PCDHGA3: variants seen among roughly 807,000 people sequenced by gnomAD.
The protein encoded by PCDHGA3 is protocadherin gamma-A3.
A neutral mutation model predicts 58.5 loss-of-function variants in PCDHGA3; 40 were observed. That is an observed-to-expected ratio of 0.68 (90% confidence interval 0.53 to 0.89). The LOEUF (loss-of-function observed/expected upper bound fraction) is 0.89, where lower values mean the gene tolerates loss of function less well. PCDHGA3 is among the 40% of genes least tolerant of loss of function. The pLI is 0.00. For synonymous variants in PCDHGA3, 530 were observed against 525.7 expected, an observed-to-expected ratio of 1.01 and a Z score of -0.11; for missense variants, 1,223 against 1,195.9, an observed-to-expected ratio of 1.02 and a Z score of -0.33.
At chr5:141,412,939 C>G in intron 1 of PCDHGA3, 1 of 461,988 alleles carries the variant, frequency 2.2e-6, no homozygotes, top group Non-Finnish European at 3.8e-6. Context: ...TCTTAGGACT[C>G]TGAGCGCCGC....
chr5:141,487,684 C>G lies in PCDHGA3; in HGVS notation c.2425-7123C>G. On this transcript the variant is annotated intron_variant, in intron 1 of 3. Coordinates refer to ENST00000253812, the MANE Select transcript of PCDHGA3 (RefSeq NM_018916.4). The surrounding 1 kb of genome is among the most constrained non-coding windows in gnomAD (Gnocchi z 5.0). ...ATCCAGGCATATGGCTAGGCCATGT[C>G]CTAGAGAGTACTGGCCTCTCAGTAA... is the stretch of plus-strand genomic sequence containing the variant. The G allele has an allele frequency of 6.2e-7, 1 of 1,607,562 alleles. No individual in the cohort carries two copies. Among genetic ancestry groups the G allele is most frequent in the East Asian group, 2.2e-5 (1 of 44,768 alleles).
chr5:141,349,128 T>C (rs1396507844), intron 1 of PCDHGA3, among the ~76,000 whole-genome samples: 2 of 152,184 alleles, frequency 1.3e-5, no homozygotes, highest in Non-Finnish European at 2.9e-5. Flanking sequence ...TGGACTTCAG[T>C]GGCATGATCT....
At chr5:141,464,227 T>C (rs539811399) in intron 1 of PCDHGA3, among the ~76,000 whole-genome samples, 58 of 147,282 alleles carry the variant, frequency 3.9e-4, no homozygotes, top group Admixed American at 2.5e-3. Flanking sequence ...ATTGCGCCAC[T>C]GCACTCCAGC....
chr5:141,439,790 C>G (rs2098131627), intron 1 of PCDHGA3: 2 of 152,248 alleles, frequency 1.3e-5, no homozygotes, highest in Non-Finnish European at 2.9e-5. Flanking sequence ...TTCTATAATC[C>G]AAGAAGAGTT....
chr5:141,465,440 A>T (rs1478987071), intron 1 of PCDHGA3, among the ~76,000 whole-genome samples: 1 of 152,194 alleles, frequency 6.6e-6, no homozygotes, highest in Non-Finnish European at 1.5e-5. Flanking sequence ...CTTAATGATT[A>T]CCCAAGAAAA....
rs2099450974 is a variant in PCDHGA3 at position 141,478,361 on chromosome 5, G to A, written c.2425-16446G>A. 6 of 1,613,776 alleles carry A rather than the reference G, an allele frequency of 3.7e-6. No individual in the cohort carries two copies. The East Asian group carries it at 1.3e-4, about 36-fold the overall frequency. ...CTCCTTGCACGCGGACGCCGTGCGGGGAGGCCTGATGTCGCCGCACCTTTA... is the reference window on the plus strand; with the variant it reads ...CTCCTTGCACGCGGACGCCGTGCGGAGAGGCCTGATGTCGCCGCACCTTTA... On this transcript the variant is annotated intron_variant, in intron 1 of 3. Coordinates refer to ENST00000253812, the MANE Select transcript of PCDHGA3 (RefSeq NM_018916.4).
intron 1 of PCDHGA3, chr5:141,403,146 G>A (rs1400601984): frequency 1.9e-6 from 3 of 1,613,938 alleles, no homozygotes; most frequent in African/African-American, 2.7e-5. Flanking sequence ...CGCCGAGTCC[G>A]CATCGTCTCT....
chr5:141,383,797 G>T, intron 1 of PCDHGA3: 1 of 1,613,962 alleles, frequency 6.2e-7, no homozygotes. Flanking sequence ...GCTTACAGGA[G>T]AAATATCAAC....
At chr5:141,506,278 G>A (rs1001662623) in intron 3 of PCDHGA3, among the ~76,000 whole-genome samples, 1 of 152,090 alleles carries the variant, frequency 6.6e-6, no homozygotes. Flanking sequence ...GTGAAACCCT[G>A]TCTCTACTAA....
chr5:141,476,711 G>C lies in PCDHGA3; in HGVS notation c.2425-18096G>C. 1 of 1,614,194 alleles carries C rather than the reference G, an allele frequency of 6.2e-7. No individual in the cohort carries two copies. The highest frequency in any genetic ancestry group is 8.5e-7 in the Non-Finnish European group (1 of 1,180,042). On this transcript the variant is annotated intron_variant, in intron 1 of 3. Coordinates refer to ENST00000253812, the MANE Select transcript of PCDHGA3 (RefSeq NM_018916.4). This position sits in a 1 kb window ranked among gnomAD's most constrained non-coding sequence, Gnocchi z 7.6. ...CACCAAGTACGCGGAGCTGGTGTTG[G>C]AGCGCGCCCTGGACCGAGAACGGGA...
At chr5:141,478,159 T>C (rs1456465606) in intron 1 of PCDHGA3, 2 of 1,614,064 alleles carry the variant, frequency 1.2e-6, no homozygotes, top group Admixed American at 1.7e-5. Flanking sequence ...CCTCTGGCTC[T>C]GCCCCCCGGG....
intron 1 of PCDHGA3, among the ~76,000 whole-genome samples, chr5:141,358,460 G>A (rs1316337795): frequency 6.6e-6 from 1 of 152,076 alleles, no homozygotes; most frequent in South Asian, 2.1e-4. Context: ...AAGAATACTG[G>A]CAATTTGTGA....
At chr5:141,399,217 T>G in intron 1 of PCDHGA3, 2 of 1,613,972 alleles carry the variant, frequency 1.2e-6, no homozygotes, top group Non-Finnish European at 1.7e-6. Flanking sequence ...ACTAATTGCT[T>G]TGATCAAAAT....
intron 1 of PCDHGA3, chr5:141,361,756 G>A (rs1588567192): frequency 6.2e-7 from 1 of 1,613,066 alleles, no homozygotes; most frequent in Non-Finnish European, 8.5e-7. Flanking sequence ...GGGCTCGCCC[G>A]CGCTCAGCGC....
At chr5:141,384,790 G>T (rs999175494) in intron 1 of PCDHGA3, 2 of 1,613,416 alleles carry the variant, frequency 1.2e-6, no homozygotes, top group African/African-American at 2.7e-5. Flanking sequence ...CACGGCTCGG[G>T]CCCTGCTGGA....
At chr5:141,362,734 T>C (rs955970127) in intron 1 of PCDHGA3, 2 of 766,658 alleles carry the variant, frequency 2.6e-6, no homozygotes, top group Non-Finnish European at 4.1e-6. Flanking sequence ...TGAGATTTAT[T>C]TACCCATGAT....
chr5:141,373,352 G>A (rs1311109117), intron 1 of PCDHGA3, among the ~76,000 whole-genome samples: 5 of 152,178 alleles, frequency 3.3e-5, no homozygotes, highest in Non-Finnish European at 7.3e-5. Context: ...CTCTTGTAAT[G>A]GGCACTGTAA....
In PCDHGA3 at chr5:141,512,022, C is replaced by T. The variant is rs2154594692; in HGVS notation, c.*849C>T. The T allele has an allele frequency of 6.5e-6, 1 of 152,990 alleles. No individual in the cohort carries two copies. The highest frequency in any genetic ancestry group is 1.9e-4 in the East Asian group (1 of 5,186). The allele number at this position is 152,990 out of a possible 1,614,324, so 9.5% of individuals were successfully genotyped here. A position where few individuals can be genotyped will look rare whatever the true frequency, so the allele number is the denominator to read the frequency against. The stretch of plus-strand genomic sequence containing the variant: ...AGCTTGACACATCAAGTTATCAAGG[C>T]CTTGGAGGAGGCTCTGTATGTCCTC... On this transcript the variant is annotated 3_prime_UTR_variant, in exon 4 of 4. Transcript: ENST00000253812.
intron 1 of PCDHGA3, chr5:141,371,806 T>A (rs773656836): frequency 6.2e-7 from 1 of 1,613,888 alleles, no homozygotes; most frequent in South Asian, 1.1e-5. Context: ...GGAGCCTCCA[T>A]TGCGCATGTC....
Sources: allele counts gnomAD v4.1 joint callset (sites outside exome capture counted in the v4.1 genomes callset), GRCh38; gene constraint gnomAD v4.1.1; non-coding constraint Gnocchi (gnomAD v3.1); transcripts MANE v1.5; gene names NCBI Gene and HGNC (gene_info 2026-07-23, HGNC 2026-07-21).